The following ARIH1 variants were observed in gnomAD, a reference collection of about 807,000 sequenced individuals.
The protein encoded by ARIH1 is ariadne RBR E3 ubiquitin protein ligase 1.
Under a neutral mutation model 85.0 loss-of-function variants are expected in ARIH1, and 8 were observed. The observed-to-expected ratio is 0.09, with a 90% CI of 0.06 to 0.17. ARIH1 has a LOEUF of 0.17. Ranked by LOEUF, ARIH1 falls within the 10% of genes least tolerant of loss-of-function variation. The pLI, the probability that ARIH1 is intolerant of heterozygous loss-of-function variation, is 1.00. For synonymous variants in ARIH1, 238 were observed against 253.6 expected (o/e 0.94, Z 0.59); for missense variants, 311 against 718.1 (o/e 0.43, Z 6.48).
intron 5 of ARIH1, among the ~76,000 whole-genome samples, chr15:72,556,896 T>C (rs1009274363): frequency 4.6e-5 from 7 of 152,346 alleles, no homozygotes; most frequent in Admixed American, 4.6e-4. Flanking sequence ...ATGATTGTGC[T>C]CACTTTTTTT....
At chr15:72,537,840 A>AT (rs1491530080) in intron 2 of ARIH1, among the ~76,000 whole-genome samples, 1 of 152,228 alleles carries the variant, frequency 6.6e-6, no homozygotes, top group Non-Finnish European at 1.5e-5. Context: ...ATAAACTGCC[A>AT]TATGTGAGTG....
intron 2 of ARIH1, among the ~76,000 whole-genome samples, chr15:72,526,527 C>T (rs540033167): frequency 4.7e-4 from 72 of 152,232 alleles, no homozygotes; most frequent in Admixed American, 8.5e-4. Context: ...GCCAGGAGTT[C>T]CAGACCAGCC....
intron 2 of ARIH1, among the ~76,000 whole-genome samples, chr15:72,537,267 A>G (rs2064086594): frequency 6.6e-6 from 1 of 152,204 alleles, no homozygotes; most frequent in Non-Finnish European, 1.5e-5. Flanking sequence ...TTTTGAAAGA[A>G]TAACTTTAAA....
At chr15:72,493,586 G>A (rs1012784718) in intron 1 of ARIH1, among the ~76,000 whole-genome samples, 1 of 151,956 alleles carries the variant, frequency 6.6e-6, no homozygotes, top group African/African-American at 2.4e-5. Flanking sequence ...TATTTCCTCC[G>A]ACTCAGAATT....
intron 1 of ARIH1, among the ~76,000 whole-genome samples, chr15:72,503,149 A>G (rs1341447032): frequency 6.6e-6 from 1 of 152,260 alleles, no homozygotes; most frequent in African/African-American, 2.4e-5. Flanking sequence ...GGTTCTAGAT[A>G]TAAAATAGTT....
chr15:72,529,203 A>C (rs2064044461), intron 2 of ARIH1, among the ~76,000 whole-genome samples: 1 of 152,204 alleles, frequency 6.6e-6, no homozygotes, highest in Non-Finnish European at 1.5e-5. Context: ...CGTCTCAAAA[A>C]AAAAAAGCAA....
chr15:72,482,839 CTTT>C (rs34753101), intron 1 of ARIH1, among the ~76,000 whole-genome samples: 3 of 132,182 alleles, frequency 2.3e-5, no homozygotes, highest in African/African-American at 5.7e-5. Context: ...CTCTCTCTCT[CTTT>C]TTTTTTTTTT....
chr15:72,573,012 C>G (rs893519110), intron 11 of ARIH1, among the ~76,000 whole-genome samples: 2 of 152,042 alleles, frequency 1.3e-5, no homozygotes, highest in African/African-American at 4.8e-5. Flanking sequence ...ATTGTGGAAC[C>G]CTGGAATTTA....
Position 72,537,017 on chromosome 15 carries a change from A to T in ARIH1, c.444-7803A>T, listed in dbSNP as rs573407649. Reference sequence around the variant, plus strand: ...GCTATAAAAACTACATAGAATACCCATTTTTTTTTAGAGATTAGCTTAAGA... The same window carrying T: ...GCTATAAAAACTACATAGAATACCCTTTTTTTTTTAGAGATTAGCTTAAGA... On this transcript the variant is annotated intron_variant, in intron 2 of 13. Coordinates refer to ENST00000379887, the MANE Select transcript of ARIH1 (RefSeq NM_005744.5). Among the ~76,000 whole-genome samples the T allele has an allele frequency of 6.1e-4, 92 of 151,192 alleles. 1 individual carries two copies. Among genetic ancestry groups the T allele is most frequent in the African/African-American group, 2.1e-3 (87 of 41,264 alleles).
chr15:72,498,340 A>G (rs1430653565), intron 1 of ARIH1, among the ~76,000 whole-genome samples: 2 of 152,232 alleles, frequency 1.3e-5, no homozygotes, highest in Non-Finnish European at 1.5e-5. Flanking sequence ...CTTTAGCAGT[A>G]CACTATAGAT....
At chr15:72,487,645 CCA>C (rs1367602274) in intron 1 of ARIH1, among the ~76,000 whole-genome samples, 2 of 151,964 alleles carry the variant, frequency 1.3e-5, no homozygotes, top group Non-Finnish European at 2.9e-5. Flanking sequence ...TTTTCCACAT[CCA>C]GTTATCCCTG....
intron 1 of ARIH1, among the ~76,000 whole-genome samples, chr15:72,493,212 CTTA>C (rs1023122712): frequency 3.3e-5 from 5 of 152,150 alleles, no homozygotes; most frequent in Non-Finnish European, 5.9e-5. Context: ...ATTTTAAAGA[CTTA>C]TTTAACATAT....
In ARIH1 at chr15:72,596,555, C is replaced by G. The variant is rs1175487379; in HGVS notation, c.*13263C>G. ...CTTGTCTCATACTCTCTTGCTTCTC[C>G]TCTTCTTTGGAGATTCTAGTTACAT... On this transcript the variant is annotated 3_prime_UTR_variant, in exon 14 of 14. Coordinates refer to ENST00000379887, the MANE Select transcript of ARIH1 (RefSeq NM_005744.5). 6.6e-6 allele frequency: 1 copy of G among 152,156 alleles called. No individual in the cohort carries two copies. The highest frequency in any genetic ancestry group is 1.5e-5 in the Non-Finnish European group (1 of 68,032). The allele number at this position is 152,156 out of a possible 1,614,324, so 9.4% of individuals were successfully genotyped here.
rs569560717 is a variant in ARIH1 at position 72,566,454 on chromosome 15, A to G, written c.912-109A>G. 1.5e-4 allele frequency: 131 copies of G among 897,558 alleles called. 5 individuals carry two copies. In the South Asian group the frequency reaches 1.8e-3, roughly 12 times the overall value. The allele number at this position is 897,558 out of a possible 1,614,324, so 55.6% of individuals were successfully genotyped here. On this transcript the variant is annotated intron_variant, in intron 7 of 13. Transcript: ENST00000379887. ...TCTCTCCTTGTATTTGCCAGTCACTAGAAACTAGTGACAATACTGTGGAAC... is the reference window on the plus strand; with the variant it reads ...TCTCTCCTTGTATTTGCCAGTCACTGGAAACTAGTGACAATACTGTGGAAC...
chr15:72,486,694 C>T (rs1333997204), intron 1 of ARIH1, among the ~76,000 whole-genome samples: 49 of 92,850 alleles, frequency 5.3e-4, no homozygotes, highest in Non-Finnish European at 5.3e-4. Flanking sequence ...TTAAAAATGA[C>T]TTTTTTTTTT....
intron 2 of ARIH1, among the ~76,000 whole-genome samples, chr15:72,534,970 T>TTTTTTTTTTTTTTTTTTTTA (rs1567349493): frequency 3.5e-5 from 4 of 114,620 alleles, no homozygotes; most frequent in Admixed American, 9.5e-5. Flanking sequence ...TTTTTTTTTT[T>TTTTTTTTTTTTTTTTTTTTA]GAGACGGAGT....
intron 2 of ARIH1, among the ~76,000 whole-genome samples, chr15:72,524,818 T>C (rs2064019843): frequency 6.6e-6 from 1 of 152,212 alleles, no homozygotes; most frequent in African/African-American, 2.4e-5. Flanking sequence ...GAGAAAATGA[T>C]ACTTATAAAT....
chr15:72,485,244 A>G (rs1032623120), intron 1 of ARIH1, among the ~76,000 whole-genome samples: 1 of 152,216 alleles, frequency 6.6e-6, no homozygotes, highest in African/African-American at 2.4e-5. Context: ...CATGAGGGTA[A>G]TGACATTGAT....
Position 72,602,801 on chromosome 15 carries a change from G to A in ARIH1, c.*19509G>A, listed in dbSNP as rs2064386575. ...TCTGACCTTACCCTGGTCCCTCAAG[G>A]ACTCTCCTTCTCCCCCAAATTAACT... On this transcript the variant is annotated 3_prime_UTR_variant, in exon 14 of 14. Coordinates refer to ENST00000379887, the MANE Select transcript of ARIH1 (RefSeq NM_005744.5). 6.6e-6 allele frequency: 1 copy of A among 152,062 alleles called. No individual in the cohort carries two copies. The highest frequency in any genetic ancestry group is 1.5e-5 in the Non-Finnish European group (1 of 68,018). 9.4% of individuals were successfully genotyped at this position (152,062 alleles called of 1,614,324 possible). A position where few individuals can be genotyped will look rare whatever the true frequency, so the allele number is the denominator to read the frequency against.
Sources: gnomAD v4.1 joint callset for allele counts (sites outside exome capture counted in the v4.1 genomes callset) on GRCh38, gnomAD v4.1.1 for gene constraint, MANE v1.5 for transcripts, NCBI Gene and HGNC (gene_info 2026-07-23, HGNC 2026-07-21) for gene names.